The following ANK2 variants were observed in gnomAD, a reference collection of about 807,000 sequenced individuals.
ANK2 encodes ankyrin 2.
ANK2 carries 83 observed loss-of-function variants against 360.5 expected under a neutral mutation model. The ratio of observed to expected loss-of-function variants is 0.23; its 90% CI spans 0.19 to 0.28. ANK2 has a LOEUF of 0.28. ANK2 is among the 10% of genes least tolerant of loss of function. ANK2 has a pLI of 1.00. For missense variants in ANK2, 4,201 were observed against 4,795.7 expected (o/e 0.88, Z 3.66); for synonymous variants, 1,740 against 1,759.5 (o/e 0.99, Z 0.28).
chr4:113,156,432 G>A (rs1481196148), intron 1 of ANK2, among the ~76,000 whole-genome samples: 6 of 144,288 alleles, frequency 4.2e-5, no homozygotes, highest in African/African-American at 1.0e-4. Flanking sequence ...GTGCAGTGAC[G>A]TGATCACGAC....
Position 113,381,446 on chromosome 4 carries a change from C to G in ANK2, c.11860-11C>G. 1 of 1,614,108 alleles carries G rather than the reference C, an allele frequency of 6.2e-7. No individual in the cohort carries two copies. Among genetic ancestry groups the G allele is most frequent in the Non-Finnish European group, 8.5e-7 (1 of 1,180,002 alleles). On this transcript the variant is annotated splice_polypyrimidine_tract_variant and intron_variant, in intron 45 of 45. Coordinates refer to ENST00000357077, the MANE Select transcript of ANK2 (RefSeq NM_001148.6). ...AAAGAGCGTAATTCTCTCTTGTCTG[C>G]TTTTCTCCAGGACAACAATGAGTAA...
intron 45 of ANK2, among the ~76,000 whole-genome samples, chr4:113,374,466 T>G (rs2096854140): frequency 6.6e-6 from 1 of 152,160 alleles, no homozygotes; most frequent in Non-Finnish European, 1.5e-5. Context: ...GAAAAGAGAG[T>G]TTCTTCACAT....
intron 13 of ANK2, among the ~76,000 whole-genome samples, chr4:113,263,187 G>GAAAAAAAAAAAAAAAA (rs762758720): frequency 1.6e-5 from 1 of 63,624 alleles, no homozygotes; most frequent in Non-Finnish European, 3.1e-5. Context: ...GACTCTGTCT[G>GAAAAAAAAAAAAAAAA]AAAAAAAAAA....
chr4:113,342,298 C>A (rs957871058), intron 33 of ANK2, among the ~76,000 whole-genome samples: 1 of 152,120 alleles, frequency 6.6e-6, no homozygotes, highest in Non-Finnish European at 1.5e-5. Flanking sequence ...AATGTTGAAG[C>A]AGGGTGTCTA....
intron 1 of ANK2, among the ~76,000 whole-genome samples, chr4:113,098,289 T>C (rs1253234431): frequency 1.3e-5 from 2 of 151,804 alleles, no homozygotes; most frequent in African/African-American, 2.4e-5. Context: ...AAAAGATATA[T>C]AAAGTTGATA....
intron 1 of ANK2, among the ~76,000 whole-genome samples, chr4:112,878,184 C>CTATCTATCTATCTATCTATCAT (rs1553962750): frequency 1.8e-5 from 1 of 54,898 alleles, no homozygotes; most frequent in African/African-American, 1.4e-4. Flanking sequence ...CTATCTATCT[C>CTATCTATCTATCTATCTATCAT]CTTTTGCCTC....
chr4:113,301,593 A>G (rs1231805783), intron 22 of ANK2, among the ~76,000 whole-genome samples: 1 of 152,108 alleles, frequency 6.6e-6, no homozygotes, highest in Non-Finnish European at 1.5e-5. Context: ...CTCCTGTCCA[A>G]CTAAAATTTT....
chr4:112,901,954 A>T (rs2083562269), intron 1 of ANK2, among the ~76,000 whole-genome samples: 1 of 152,180 alleles, frequency 6.6e-6, no homozygotes, highest in African/African-American at 2.4e-5. Flanking sequence ...GGAGAATCAA[A>T]TTAAATTGAA....
In ANK2 at chr4:113,018,482, C is replaced by T. The variant is rs2057232859; in HGVS notation, c.21+113968C>T. Among the ~76,000 whole-genome samples the T allele has an allele frequency of 2.0e-5, 3 of 152,200 alleles. No individual in the cohort carries two copies. In the South Asian group the frequency reaches 6.2e-4, roughly 31 times the overall value. On this transcript the variant is annotated intron_variant, in intron 2 of 30. Coordinates refer to the ANK2 transcript ENST00000503271. Reference sequence around the variant, plus strand: ...TGGAAGATAAATTAAATTTTCTTTACTATTTGACAGCTTGCTAGTTCAGAA... The same window carrying T: ...TGGAAGATAAATTAAATTTTCTTTATTATTTGACAGCTTGCTAGTTCAGAA...
Position 113,373,087 on chromosome 4 carries a change from T to G in ANK2, c.11611-3T>G. The G allele has an allele frequency of 1.2e-6, 2 of 1,613,658 alleles. No homozygotes were observed. The highest frequency in any genetic ancestry group is 1.7e-6 in the Non-Finnish European group (2 of 1,179,580). On this transcript the variant is annotated splice_region_variant and splice_polypyrimidine_tract_variant and intron_variant, in intron 43 of 45. Transcript: ENST00000357077. ...CAGTGACCCTTTTCTCTCAACTGTT[T>G]AGGGAGACGATATGCCTGAAATACC...
At chr4:112,774,189 C>T in the ANK2 span, among the ~76,000 whole-genome samples, 17 of 151,982 alleles carry the variant, frequency 1.1e-4, no homozygotes, top group Middle Eastern at 3.4e-3. Flanking sequence ...GCCCTGGTCA[C>T]GCCCTTAAGG....
At chr4:113,264,323 T>C (rs551314668) in intron 13 of ANK2, among the ~76,000 whole-genome samples, 1 of 152,310 alleles carries the variant, frequency 6.6e-6, no homozygotes, top group South Asian at 2.1e-4. Context: ...ATCTAGTTTC[T>C]CACTGAAATA....
At chr4:112,872,359 CAG>C (rs2073436266) in intron 1 of ANK2, among the ~76,000 whole-genome samples, 1 of 150,142 alleles carries the variant, frequency 6.7e-6, no homozygotes, top group Non-Finnish European at 1.5e-5. Flanking sequence ...TTTTTTGAGA[CAG>C]AGTTTTGCTC....
At chr4:113,292,804 G>C (rs1346038268) in intron 21 of ANK2, among the ~76,000 whole-genome samples, 2 of 152,104 alleles carry the variant, frequency 1.3e-5, no homozygotes, top group African/African-American at 4.8e-5. Flanking sequence ...GCTCTCAGAT[G>C]TGAGCACAAA....
At chr4:112,734,307 G>A in the ANK2 span, among the ~76,000 whole-genome samples, 1 of 152,186 alleles carries the variant, frequency 6.6e-6, no homozygotes, top group Non-Finnish European at 1.5e-5. Flanking sequence ...TCCCTAGCTG[G>A]CTCACTGATG....
intron 32 of ANK2, among the ~76,000 whole-genome samples, chr4:113,339,569 T>C (rs765628829): frequency 2.0e-5 from 3 of 152,244 alleles, no homozygotes. Context: ...TTTGCCTGTA[T>C]GATTCTGACT....
the ANK2 span, among the ~76,000 whole-genome samples, chr4:112,749,688 G>C: frequency 1.1e-4 from 16 of 152,152 alleles, no homozygotes; most frequent in Non-Finnish European, 2.1e-4. Context: ...TAGACACTGA[G>C]ATTTATCATA....
chr4:113,217,379 T>C (rs922381800), intron 4 of ANK2, among the ~76,000 whole-genome samples: 1 of 152,218 alleles, frequency 6.6e-6, no homozygotes, highest in Non-Finnish European at 1.5e-5. Context: ...TGACTGTAGA[T>C]ATATATTTTA....
intron 1 of ANK2, chr4:113,145,823 A>G: frequency 7.8e-7 from 1 of 1,286,716 alleles, no homozygotes; most frequent in Non-Finnish European, 1.0e-6. Context: ...GACAGAGTGC[A>G]GAGGGCAAGG....
Sources: allele counts gnomAD v4.1 joint callset (sites outside exome capture counted in the v4.1 genomes callset), GRCh38; gene constraint gnomAD v4.1.1; transcripts MANE v1.5; gene names NCBI Gene and HGNC (gene_info 2026-07-23, HGNC 2026-07-21).